The following SSBP4 variants were observed in gnomAD, a reference collection of about 807,000 sequenced individuals.
SSBP4 encodes the protein single-stranded DNA-binding protein 4.
SSBP4 carries 33 observed loss-of-function variants against 64.6 expected under a neutral mutation model. That is an observed-to-expected ratio of 0.51 (90% CI 0.39 to 0.68). SSBP4 has a LOEUF of 0.68. SSBP4 is among the 30% of genes least tolerant of loss of function. The probability of loss-of-function intolerance (pLI) is 0.00; values close to 1 mark genes in which losing one functional copy is unlikely to be tolerated. For missense variants in SSBP4, 583 were observed against 566.8 expected (o/e 1.03, Z -0.29); for synonymous variants, 243 against 224.0 (o/e 1.08, Z -0.76).
intron 4 of SSBP4, among the ~76,000 whole-genome samples, chr19:18,429,908 G>A (rs1327758460): frequency 6.6e-6 from 1 of 152,128 alleles, no homozygotes; most frequent in African/African-American, 2.4e-5. Flanking sequence ...GGGGGAGGGA[G>A]GATTTCTCCA....
chr19:18,420,402 G>C lies in SSBP4; in HGVS notation c.59+695G>C, dbSNP rs1194094138. On this transcript the variant is annotated intron_variant, in intron 1 of 17. Transcript: ENST00000270061. ...GGTACCAGGCGCTCTGAAGCTGGTAGGGGCAGGTTCCACCGTGCGGATGGA... is the reference window on the plus strand; with the variant it reads ...GGTACCAGGCGCTCTGAAGCTGGTACGGGCAGGTTCCACCGTGCGGATGGA... Among the ~76,000 whole-genome samples the C allele has an allele frequency of 2.0e-5, 3 of 152,128 alleles. No homozygotes were observed. In the South Asian group the frequency reaches 6.2e-4, roughly 32 times the overall value.
chr19:18,422,287 C>T (rs1054432738), intron 1 of SSBP4, among the ~76,000 whole-genome samples: 1 of 152,172 alleles, frequency 6.6e-6, no homozygotes, highest in Non-Finnish European at 1.5e-5. Context: ...ATTCCTGGCC[C>T]CCTTCCCATA....
chr19:18,419,061 A>G (rs961787537), upstream of SSBP4: 27 of 985,536 alleles, frequency 2.7e-5, no homozygotes, highest in East Asian at 2.7e-3. Context: ...AGCGGGGTAC[A>G]CTTTTGCTGT....
rs536720994 is a variant in SSBP4 at position 18,423,995 on chromosome 19, G to A, written c.60-3356G>A. On this transcript the variant is annotated intron_variant, in intron 1 of 17. Coordinates refer to ENST00000270061, the MANE Select transcript of SSBP4 (RefSeq NM_032627.5). This position sits in a 1 kb window ranked among gnomAD's most constrained non-coding sequence, Gnocchi z 4.0. ...GGCCCCCGGAGCAGTCCTCTGGGAG[G>A]GGAGGACCTTGTAGGTCCCAAAACT... Among the ~76,000 whole-genome samples, 4 of 152,312 alleles carry A rather than the reference G, an allele frequency of 2.6e-5. No individual in the cohort carries two copies. Among genetic ancestry groups the A allele is most frequent in the Middle Eastern group, 3.4e-3 (1 of 294 alleles).
the SSBP4 span, among the ~76,000 whole-genome samples, chr19:18,413,222 G>A: frequency 0.09 from 13,433 of 149,676 alleles, 2,127 homozygotes; most frequent in African/African-American, 0.32. Flanking sequence ...ACGTGAGGGT[G>A]GGAGGTTGTA....
At chr19:18,414,451 G>A (rs146764167), upstream of SSBP4, among the ~76,000 whole-genome samples, 13 of 151,642 alleles carry the variant, frequency 8.6e-5, no homozygotes, top group East Asian at 2.5e-3. Flanking sequence ...TGATTGTGCC[G>A]CTGCACTCCA....
chr19:18,432,246 G>T (rs1973462778), intron 10 of SSBP4, 32 bp downstream of exon 10: 10 of 1,605,790 alleles, frequency 6.2e-6, no homozygotes, highest in Non-Finnish European at 8.5e-6. Context: ...GGAGTGTGCA[G>T]TTCGCAGGCC....
chr19:18,419,659 A>AT lies in SSBP4; in HGVS notation c.11_12insT (p.Lys4AsnfsTer24). Reference sequence around the variant, plus strand: ...GCGGCGTGGAGCAGCATGTACGCCAAGGGGGGCAAGGGTTCGGCCGTGCCC... The same window carrying AT: ...GCGGCGTGGAGCAGCATGTACGCCAATGGGGGGCAAGGGTTCGGCCGTGCCC... On this transcript the variant is annotated frameshift_variant, in exon 1 of 18. Coordinates refer to ENST00000270061, the MANE Select transcript of SSBP4 (RefSeq NM_032627.5). 1.6e-6 allele frequency: 2 copies of AT among 1,240,120 alleles called. No homozygotes were observed. Among genetic ancestry groups the AT allele is most frequent in the South Asian group, 2.3e-5 (1 of 43,140 alleles). The allele number at this position is 1,240,120 out of a possible 1,614,324, so 76.8% of individuals were successfully genotyped here. A position where few individuals can be genotyped will look rare whatever the true frequency, so the allele number is the denominator to read the frequency against.
At chr19:18,409,319 T>G in the SSBP4 span, among the ~76,000 whole-genome samples, 6 of 151,730 alleles carry the variant, frequency 4.0e-5, no homozygotes, top group African/African-American at 1.5e-4. Flanking sequence ...TCTGAGTAGC[T>G]GGGATTGCAG....
At chr19:18,410,645 G>C in the SSBP4 span, among the ~76,000 whole-genome samples, 2 of 152,074 alleles carry the variant, frequency 1.3e-5, no homozygotes, top group Admixed American at 1.3e-4. Context: ...GCCGACCTGA[G>C]AGCAAGGGCA....
chr19:18,423,653 C>T lies in SSBP4; in HGVS notation c.60-3698C>T, dbSNP rs1270462264. On this transcript the variant is annotated intron_variant, in intron 1 of 17. Transcript: ENST00000270061. This position sits in a 1 kb window ranked among gnomAD's most constrained non-coding sequence, Gnocchi z 4.0. Reference sequence around the variant, plus strand: ...GTAGCTGTGGTACATTTCAGGCCACCAGGCGCTAGCACCCCATCCTGGCTC... The same window carrying T: ...GTAGCTGTGGTACATTTCAGGCCACTAGGCGCTAGCACCCCATCCTGGCTC... 6.6e-6 allele frequency among the ~76,000 whole-genome samples: 1 copy of T among 152,188 alleles called. No individual in the cohort carries two copies. The highest frequency in any genetic ancestry group is 1.9e-4 in the East Asian group (1 of 5,192).
Position 18,432,561 on chromosome 19 carries a change from G to T in SSBP4, c.707G>T (p.Gly236Val). Residue 236 changes from glycine (G) to valine (V), a missense_variant and splice_region_variant, in exon 11 of 18, where the codon GGC becomes GTC. Physicochemically the swap from Gly to Val is moderately radical, Grantham distance 109 (BLOSUM62 -3). This residue lies in a region of SSBP4 where 444 missense variants were observed against 386.6 expected (regional missense o/e 1.15). Transcript: ENST00000270061. ...AGPGLPAMNM[G>V]PGVRGPWASP... ...CTGTCATCCGCGGTCTCTTCCAGGG[G>T]CCCAGGAGTTCGTGGCCCGTGGGCC... 1 of 1,444,352 alleles carries T rather than the reference G, an allele frequency of 6.9e-7. No individual in the cohort carries two copies. The highest frequency in any genetic ancestry group is 1.2e-5 in the South Asian group (1 of 84,816). 89.5% of individuals were successfully genotyped at this position (1,444,352 alleles called of 1,614,324 possible).
chr19:18,421,488 TG>T (rs1972464329), intron 1 of SSBP4, among the ~76,000 whole-genome samples: 1 of 152,200 alleles, frequency 6.6e-6, no homozygotes, highest in Non-Finnish European at 1.5e-5. Flanking sequence ...ATATCTGCCC[TG>T]GGTGTCCCTG....
At chr19:18,410,847 G>A in the SSBP4 span, among the ~76,000 whole-genome samples, 1 of 152,140 alleles carries the variant, frequency 6.6e-6, no homozygotes, top group African/African-American at 2.4e-5. Flanking sequence ...CAACTCCGTA[G>A]ACCACACAGA....
chr19:18,407,950 G>T, the SSBP4 span, among the ~76,000 whole-genome samples: 8 of 151,974 alleles, frequency 5.3e-5, no homozygotes, highest in South Asian at 1.7e-3. Flanking sequence ...TCACCACATT[G>T]CCCAGACTGG....
At position 18,431,347 on chromosome 19, in the gene SSBP4, T is replaced by G; in HGVS notation, c.370-6T>G. 1 of 637,920 alleles carries G rather than the reference T, an allele frequency of 1.6e-6. No homozygotes were observed. The highest frequency in any genetic ancestry group is 2.5e-6 in the Non-Finnish European group (1 of 393,438). 39.5% of individuals were successfully genotyped at this position (637,920 alleles called of 1,614,324 possible). On this transcript the variant is annotated splice_polypyrimidine_tract_variant and splice_region_variant and intron_variant, in intron 5 of 17. Coordinates refer to ENST00000270061, the MANE Select transcript of SSBP4 (RefSeq NM_032627.5). ...CCCCCCCACCCACCTGGTTCTGTCCTCCTAGGGCCCCCCCGGCTCCCAGCC... is the reference window on the plus strand; with the variant it reads ...CCCCCCCACCCACCTGGTTCTGTCCGCCTAGGGCCCCCCCGGCTCCCAGCC...
chr19:18,415,824 A>G (rs1972127451), upstream of SSBP4, among the ~76,000 whole-genome samples: 2 of 151,812 alleles, frequency 1.3e-5, no homozygotes, highest in South Asian at 4.2e-4. Context: ...CTAAAAGAAG[A>G]TTCTCCTTAG....
At position 18,431,796 on chromosome 19, in the gene SSBP4, C is replaced by G; in HGVS notation, c.499C>G (p.Pro167Ala). The change falls in exon 8 of 18, where the codon CCC becomes GCC. Residue 167 changes from proline (P) to alanine (A), a missense_variant. Physicochemically the swap from Pro to Ala is conservative, Grantham distance 27. Around this residue, in one of 5 missense-constraint regions of SSBP4, gnomAD observed 444 missense variants for 386.6 expected, o/e 1.15. Coordinates refer to ENST00000270061, the MANE Select transcript of SSBP4 (RefSeq NM_032627.5). Reference protein sequence around the residue: ...RPTLRMPSQPPAGLPGSQPLL... With the variant: ...RPTLRMPSQPAAGLPGSQPLL... ...TGCCGCCGCACCCCCTCCGCAGCCT[C>G]CCGCAGGCCTCCCTGGCTCCCAGCC... 1 of 1,557,408 alleles carries G rather than the reference C, an allele frequency of 6.4e-7. No individual in the cohort carries two copies.
At chr19:18,420,169 C>T (rs1172127480) in intron 1 of SSBP4, 1 of 151,960 alleles carries the variant, frequency 6.6e-6, no homozygotes. Flanking sequence ...GGCTCGGGGA[C>T]CCCAGTCGCC....
Sources: allele counts gnomAD v4.1 joint callset (sites outside exome capture counted in the v4.1 genomes callset), GRCh38; gene constraint gnomAD v4.1.1; regional missense constraint gnomAD v4.1.1; non-coding constraint Gnocchi (gnomAD v3.1); transcripts MANE v1.5; gene names NCBI Gene and HGNC (gene_info 2026-07-23, HGNC 2026-07-21).